The following ELP2 variants were observed in gnomAD, a reference collection of about 807,000 sequenced individuals.
ELP2 encodes elongator complex protein 2.
A neutral mutation model predicts 119.2 loss-of-function variants in ELP2; 90 were observed. The ratio of observed to expected loss-of-function variants is 0.75; its 90% confidence interval spans 0.64 to 0.90. The LOEUF (loss-of-function observed/expected upper bound fraction) is 0.90, where lower values mean the gene tolerates loss of function less well. Ranked by LOEUF, ELP2 falls within the 40% of genes least tolerant of loss-of-function variation. The pLI, the probability that ELP2 is intolerant of heterozygous loss-of-function variation, is 0.00. For missense variants in ELP2, 921 were observed against 967.8 expected, an observed-to-expected ratio of 0.95 and a Z score of 0.64; for synonymous variants, 339 against 331.0, an observed-to-expected ratio of 1.02 and a Z score of -0.26.
At chr18:36,172,926 A>G (rs914549318) in intron 21 of ELP2, among the ~76,000 whole-genome samples, 4 of 152,230 alleles carry the variant, frequency 2.6e-5, no homozygotes, top group Admixed American at 6.5e-5. Flanking sequence ...TTCAGTTACC[A>G]AGTTCCAAGT....
intron 8 of ELP2, among the ~76,000 whole-genome samples, chr18:36,144,225 TTTTTCTATTTTCA>T (rs2090128908): frequency 1.3e-5 from 2 of 152,352 alleles, no homozygotes; most frequent in South Asian, 4.1e-4. Flanking sequence ...AATATGAATT[TTTTTCTATTTTCA>T]TTATATTGTT....
At chr18:36,155,264 T>TC (rs60227416) in intron 12 of ELP2, among the ~76,000 whole-genome samples, 3,296 of 99,546 alleles carry the variant, frequency 0.033, 102 homozygotes, top group African/African-American at 0.071. Context: ...GCACCGCCCC[T>TC]CCCCCCCCCC....
At chr18:36,156,348 A>G (rs2090571205) in intron 12 of ELP2, 118 bp from the exon 13 acceptor site, 3 of 990,062 alleles carry the variant, frequency 3.0e-6, no homozygotes, top group Non-Finnish European at 4.7e-6. Flanking sequence ...TTATTCATGG[A>G]TGAATATTTG....
chr18:36,143,063 A>G, intron 8 of ELP2, 97 bp downstream of exon 8: 1 of 861,822 alleles, frequency 1.2e-6, no homozygotes, highest in East Asian at 2.6e-5. Flanking sequence ...ATAGTTTTTC[A>G]CAATTGTCAG....
rs747519259 is a variant in ELP2, at chr18:36,142,772, C to T, written c.656-54C>T. 8.0e-4 allele frequency: 1,002 copies of T among 1,246,440 alleles called. 1 individual carries two copies. The highest frequency in any genetic ancestry group is 1.0e-3 in the Non-Finnish European group (916 of 877,814). 77.2% of individuals were successfully genotyped at this position (1,246,440 alleles called of 1,614,324 possible). ...ATATTATAGACAAAAAAGTCTTATA[C>T]ATAAACTTCACAATATAATGTTTTA... On this transcript the variant is annotated intron_variant, in intron 7 of 21. Coordinates refer to ENST00000358232, the MANE Select transcript of ELP2 (RefSeq NM_018255.4).
rs931476235 is a variant in ELP2 at position 36,178,380 on chromosome 18, A to T, written c.*3739A>T. ...GAGGAGTGACTACAGAGGGACCTAGATTCTTCAACAAATACATTACAAGAG... is the reference window on the plus strand; with the variant it reads ...GAGGAGTGACTACAGAGGGACCTAGTTTCTTCAACAAATACATTACAAGAG... On this transcript the variant is annotated 3_prime_UTR_variant, in exon 22 of 22. Transcript: ENST00000358232. 6.6e-6 allele frequency: 1 copy of T among 152,228 alleles called. No homozygotes were observed. Among genetic ancestry groups the T allele is most frequent in the East Asian group, 1.9e-4 (1 of 5,190 alleles). 9.4% of individuals were successfully genotyped at this position (152,228 alleles called of 1,614,324 possible).
intron 6 of ELP2, among the ~76,000 whole-genome samples, chr18:36,142,002 T>C (rs1312865782): frequency 2.0e-5 from 3 of 152,198 alleles, no homozygotes; most frequent in Non-Finnish European, 2.9e-5. Context: ...CACCTTTTTT[T>C]CTATATTATA....
intron 13 of ELP2, 37 bp from the exon 14 acceptor site, chr18:36,158,798 A>G (rs1471274198): frequency 7.2e-7 from 1 of 1,389,272 alleles, no homozygotes; most frequent in South Asian, 1.2e-5. Flanking sequence ...ATAAAACTTT[A>G]GCATTTATAA....
intron 21 of ELP2, among the ~76,000 whole-genome samples, chr18:36,173,098 A>G (rs1342824498): frequency 7.2e-5 from 11 of 152,214 alleles, no homozygotes; most frequent in African/African-American, 2.7e-4. Context: ...CCACTATCTC[A>G]AAGCTTACAT....
At chr18:36,133,053 A>ATTT (rs2089689436) in intron 1 of ELP2, among the ~76,000 whole-genome samples, 185 bp from the exon 2 acceptor site, 1 of 152,144 alleles carries the variant, frequency 6.6e-6, no homozygotes, top group Admixed American at 6.5e-5. Context: ...GAAAGGCAGG[A>ATTT]CTGATTTAGA....
At chr18:36,130,262 T>G (rs2089557384) in intron 1 of ELP2, among the ~76,000 whole-genome samples, 191 bp downstream of exon 1, 2 of 152,176 alleles carry the variant, frequency 1.3e-5, no homozygotes, top group African/African-American at 4.8e-5. Context: ...CTTTGCCGTC[T>G]CACGCGTGGC....
intron 14 of ELP2, among the ~76,000 whole-genome samples, chr18:36,159,356 A>C (rs893290521): frequency 6.6e-6 from 1 of 152,060 alleles, no homozygotes; most frequent in Non-Finnish European, 1.5e-5. Flanking sequence ...CAGGTGATCC[A>C]CCTGCCTTGG....
rs2089892220 is a variant in ELP2 at position 36,138,035 on chromosome 18, TC to T, written c.289-234del. The T allele has an allele frequency of 1.0e-5, 5 of 482,998 alleles. No individual in the cohort carries two copies. The Admixed American group carries it at 1.7e-4, about 17-fold the overall frequency. 29.9% of individuals were successfully genotyped at this position (482,998 alleles called of 1,614,324 possible). On this transcript the variant is annotated intron_variant, in intron 3 of 21. Transcript: ENST00000358232. ...AACATTCCACAAAGTTGACCTATAT[TC>T]TTCAGAATACCTATTGTCTCCTCAG...
intron 7 of ELP2, 114 bp downstream of exon 7, chr18:36,142,461 T>C (rs564085432): frequency 4.4e-4 from 395 of 891,314 alleles, no homozygotes; most frequent in Non-Finnish European, 6.9e-4. Context: ...TATGTTTTTC[T>C]ATTGTCCCAA....
intron 1 of ELP2, among the ~76,000 whole-genome samples, chr18:36,131,506 A>G (rs1044579831): frequency 6.6e-6 from 1 of 152,228 alleles, no homozygotes; most frequent in Non-Finnish European, 1.5e-5. Flanking sequence ...AGGGGCGGCC[A>G]TAGGGGTGGA....
At chr18:36,139,649 C>A (rs774940827) in intron 5 of ELP2, 3 of 1,489,662 alleles carry the variant, frequency 2.0e-6, no homozygotes, top group South Asian at 1.3e-5. Flanking sequence ...TTTTATTTTT[C>A]TTTTTTCTGT....
chr18:36,158,917 T>C lies in ELP2; in HGVS notation c.1534+13T>C. The C allele has an allele frequency of 1.3e-6, 2 of 1,590,126 alleles. No homozygotes were observed. Among genetic ancestry groups the C allele is most frequent in the Non-Finnish European group, 1.7e-6 (2 of 1,158,348 alleles). ...GCTGTCTTTCAGGGTAAGGCTTTTG[T>C]CTTCAAAATTATTAAACCCATAGTG... On this transcript the variant is annotated intron_variant, in intron 14 of 21. Transcript: ENST00000358232.
intron 19 of ELP2, among the ~76,000 whole-genome samples, chr18:36,169,194 A>G (rs1005870960): frequency 1.3e-5 from 2 of 151,126 alleles, no homozygotes; most frequent in African/African-American, 4.9e-5. Flanking sequence ...CCAAACTGCT[A>G]GGATTATAGG....
intron 14 of ELP2, among the ~76,000 whole-genome samples, chr18:36,159,305 G>A (rs2090661570): frequency 6.6e-6 from 1 of 152,048 alleles, no homozygotes; most frequent in Non-Finnish European, 1.5e-5. Flanking sequence ...TAGAGACAGG[G>A]TTTCACCATG....
Sources: allele counts gnomAD v4.1 joint callset (sites outside exome capture counted in the v4.1 genomes callset), GRCh38; gene constraint gnomAD v4.1.1; transcripts MANE v1.5; gene names NCBI Gene and HGNC (gene_info 2026-07-23, HGNC 2026-07-21).